MARCHF3: variants seen among roughly 807,000 people sequenced by gnomAD.
The protein encoded by MARCHF3 is E3 ubiquitin-protein ligase MARCHF3.
In MARCHF3, 13 loss-of-function variants were observed where a neutral mutation model predicts 24.2. The ratio of observed to expected loss-of-function variants is 0.54; its 90% confidence interval spans 0.35 to 0.85. The LOEUF (loss-of-function observed/expected upper bound fraction) is 0.85. Ranked by LOEUF, MARCHF3 falls within the 40% of genes least tolerant of loss-of-function variation. The pLI is 0.01. For missense variants in MARCHF3, 276 were observed against 325.0 expected, an observed-to-expected ratio of 0.85 and a Z score of 1.16; for synonymous variants, 144 against 137.3, an observed-to-expected ratio of 1.05 and a Z score of -0.34.
chr5:126,965,299 C>T (rs1304524798), intron 1 of MARCHF3, among the ~76,000 whole-genome samples: 1 of 152,192 alleles, frequency 6.6e-6, no homozygotes, highest in East Asian at 1.9e-4. Context: ...AAGGTTCTCA[C>T]ACTGGTCTGA....
intron 1 of MARCHF3, among the ~76,000 whole-genome samples, chr5:127,021,862 T>G (rs967524409): frequency 7.2e-5 from 11 of 152,192 alleles, no homozygotes; most frequent in Non-Finnish European, 1.5e-4. Context: ...AGTAATAACT[T>G]AGCCTCAAAA....
chr5:127,002,986 C>G (rs1400863271), intron 1 of MARCHF3, among the ~76,000 whole-genome samples: 2 of 152,110 alleles, frequency 1.3e-5, no homozygotes, highest in Non-Finnish European at 2.9e-5. Flanking sequence ...GTGGAGAGGA[C>G]AGGAAAGCAA....
intron 1 of MARCHF3, among the ~76,000 whole-genome samples, chr5:126,973,057 CTTTA>C (rs1751069865): frequency 6.6e-6 from 1 of 152,152 alleles, no homozygotes; most frequent in African/African-American, 2.4e-5. Flanking sequence ...TCCCCAGGTT[CTTTA>C]TTTATTTTTG....
chr5:126,999,119 T>C (rs1752040995), intron 1 of MARCHF3, among the ~76,000 whole-genome samples: 1 of 152,222 alleles, frequency 6.6e-6, no homozygotes, highest in Non-Finnish European at 1.5e-5. Context: ...ACAACAGGAA[T>C]TTTTATACTG....
chr5:126,940,420 G>C (rs555649653), intron 1 of MARCHF3, among the ~76,000 whole-genome samples: 4 of 152,118 alleles, frequency 2.6e-5, no homozygotes, highest in Admixed American at 6.6e-5. Flanking sequence ...TACAGTTGCA[G>C]TGCAACTGTA....
rs1019650775 is a variant in MARCHF3, at chr5:126,966,381, G to T, written c.-56-48154C>A. On this transcript the variant is annotated intron_variant, in intron 1 of 4. Coordinates refer to ENST00000308660, the MANE Select transcript of MARCHF3 (RefSeq NM_178450.5). ...TTTTTAAAAAATATAAGATTAGAAG[G>T]CAGTATACATTAAGAAACAAAAACA... Among the ~76,000 whole-genome samples the T allele has an allele frequency of 4.0e-5, 6 of 151,882 alleles. No homozygotes were observed. The South Asian group carries it at 1.0e-3, about 26-fold the overall frequency.
intron 4 of MARCHF3, among the ~76,000 whole-genome samples, chr5:126,875,155 G>A (rs1322484980): frequency 4.6e-5 from 7 of 152,104 alleles, no homozygotes; most frequent in Non-Finnish European, 8.8e-5. Flanking sequence ...GTCTGTCTAC[G>A]GGTTTCAAAT....
chr5:126,871,396 C>T (rs1752958969), intron 4 of MARCHF3, among the ~76,000 whole-genome samples: 1 of 152,192 alleles, frequency 6.6e-6, no homozygotes, highest in African/African-American at 2.4e-5. Flanking sequence ...CACAGTGTGG[C>T]CACTAACTCC....
rs3533 is a variant in MARCHF3, at chr5:126,867,814, T to C, written c.*2819A>G. On this transcript the variant is annotated 3_prime_UTR_variant, in exon 5 of 5. Transcript: ENST00000308660. ...GGAGCTGTAGAATTTGTGTCGATGC[T>C]CTGTGTCCTCCGTCCTTCCCCAAAT... is the stretch of plus-strand genomic sequence containing the variant. The C allele has an allele frequency of 0.63, 96,423 of 152,106 alleles. 32,986 individuals are homozygous for C. Among genetic ancestry groups the C allele is most frequent in the African/African-American group, 0.91 (37,812 of 41,514 alleles). The allele number at this position is 152,106 out of a possible 1,614,324, so 9.4% of individuals were successfully genotyped here.
intron 1 of MARCHF3, among the ~76,000 whole-genome samples, chr5:126,932,576 T>A (rs1749512778): frequency 6.6e-6 from 1 of 152,136 alleles, no homozygotes; most frequent in African/African-American, 2.4e-5. Context: ...ATGGGGTAAG[T>A]AAGACTGAGG....
intron 3 of MARCHF3, among the ~76,000 whole-genome samples, chr5:126,913,627 G>A (rs764489845): frequency 6.6e-6 from 1 of 152,180 alleles, no homozygotes; most frequent in Non-Finnish European, 1.5e-5. Context: ...GGAGTGTATT[G>A]GGGCAAGTCA....
chr5:126,908,609 G>T (rs1408794455), intron 3 of MARCHF3, among the ~76,000 whole-genome samples: 1 of 151,878 alleles, frequency 6.6e-6, no homozygotes, highest in African/African-American at 2.4e-5. Flanking sequence ...CCAGTTGATC[G>T]CATCGGCTCC....
chr5:126,903,535 C>T (rs777264458), intron 3 of MARCHF3, among the ~76,000 whole-genome samples: 4 of 151,940 alleles, frequency 2.6e-5, no homozygotes, highest in Non-Finnish European at 4.4e-5. Flanking sequence ...GCTCTGAAAC[C>T]AAAACTCATA....
chr5:126,895,502 C>T (rs1753852695), intron 3 of MARCHF3, among the ~76,000 whole-genome samples: 1 of 151,972 alleles, frequency 6.6e-6, no homozygotes, highest in Non-Finnish European at 1.5e-5. Context: ...TGTGGATGTC[C>T]TTTCTGTTTG....
chr5:126,992,766 A>ATTTTTTTTTTTTTTTTTTTTTTTTTTTTT (rs757479478), intron 1 of MARCHF3, among the ~76,000 whole-genome samples: 2 of 95,504 alleles, frequency 2.1e-5, no homozygotes, highest in East Asian at 3.3e-4. Flanking sequence ...CATCCACGTG[A>ATTTTTTTTTTTTTTTTTTTTTTTTTTTTT]TTTTTTTTTT....
At chr5:126,941,887 G>C (rs1749840880) in intron 1 of MARCHF3, among the ~76,000 whole-genome samples, 1 of 152,182 alleles carries the variant, frequency 6.6e-6, no homozygotes, top group South Asian at 2.1e-4. Context: ...ATATCTAAGA[G>C]GAATGAATGG....
At chr5:126,911,895 A>AT (rs1272269706) in intron 3 of MARCHF3, among the ~76,000 whole-genome samples, 4 of 152,324 alleles carry the variant, frequency 2.6e-5, no homozygotes, top group Non-Finnish European at 5.9e-5. Flanking sequence ...TAGAATACAC[A>AT]TTTTTTGAAC....
chr5:126,894,569 A>G (rs1314226793), intron 3 of MARCHF3, among the ~76,000 whole-genome samples: 1 of 151,812 alleles, frequency 6.6e-6, no homozygotes, highest in Non-Finnish European at 1.5e-5. Flanking sequence ...CTGGATATGA[A>G]ATTCTGGGTT....
At chr5:126,951,138 A>G (rs1750216517) in intron 1 of MARCHF3, among the ~76,000 whole-genome samples, 1 of 152,160 alleles carries the variant, frequency 6.6e-6, no homozygotes, top group Admixed American at 6.6e-5. Context: ...TGACCTCGCC[A>G]CAGCATATGA....
Sources: gnomAD v4.1 joint callset for allele counts (sites outside exome capture counted in the v4.1 genomes callset) on GRCh38, gnomAD v4.1.1 for gene constraint, MANE v1.5 for transcripts, NCBI Gene and HGNC (gene_info 2026-07-23, HGNC 2026-07-21) for gene names.